Variants in MAP4K2 observed in about 807,000 individuals in gnomAD.
MAP4K2 encodes the protein mitogen-activated protein kinase kinase kinase kinase 2.
Under a neutral mutation model 125.3 loss-of-function variants are expected in MAP4K2, and 85 were observed. That is an observed-to-expected ratio of 0.68 (90% CI 0.57 to 0.81). MAP4K2 has a LOEUF of 0.81. MAP4K2 is among the 40% of genes least tolerant of loss of function. The probability of loss-of-function intolerance (pLI) is 0.00; values close to 1 mark genes in which losing one functional copy is unlikely to be tolerated. For synonymous variants in MAP4K2, 479 were observed against 445.1 expected, an observed-to-expected ratio of 1.08 and a Z score of -0.96; for missense variants, 923 against 1,056.4, an observed-to-expected ratio of 0.87 and a Z score of 1.75.
At position 64,800,933 on chromosome 11, in the gene MAP4K2, A is replaced by C. The variant is rs774116036; in HGVS notation, c.629T>G (p.Leu210Arg). 2 of 1,614,016 alleles carry C rather than the reference A, an allele frequency of 1.2e-6. No individual in the cohort carries two copies. The highest frequency in any genetic ancestry group is 1.7e-6 in the Non-Finnish European group (2 of 1,180,002). The change falls in exon 9 of 32, where the codon CTG becomes CGG. Residue 210 changes from leucine to arginine, a missense_variant. Physicochemically the swap from Leu to Arg is moderately radical, Grantham distance 102 (BLOSUM62 -2). This residue lies in a region of MAP4K2 where 833 missense variants were observed against 911.4 expected (regional missense o/e 0.91). Transcript: ENST00000294066. ...LGITAIELGE[L>R]QPPLFHLHPM... ...GTGCAGGTGGAACAGAGGGGGCTGC[A>C]GCTCGCCCAGCTCAATGGCAGTGAT...
Position 64,797,644 on chromosome 11 carries a change from T to A in MAP4K2, c.1118A>T (p.Gln373Leu). 6.3e-7 allele frequency: 1 copy of A among 1,578,584 alleles called. No individual in the cohort carries two copies. Among genetic ancestry groups the A allele is most frequent in the Non-Finnish European group, 8.6e-7 (1 of 1,161,548 alleles). The change falls in exon 16 of 32, where the codon CAG becomes CTG. Residue 373 changes from glutamine to leucine, a missense_variant. Transcript: ENST00000294066. Reference protein sequence around the residue: ...ELSGSLLQSVQEALEERSLTI... With the variant: ...ELSGSLLQSVLEALEERSLTI... ...CCCTCACCTTTCCTCCAGGGCCTCC[T>A]GGACCGACTGCAGCAGGCTCCTGGG...
At position 64,803,104 on chromosome 11, in the gene MAP4K2, A is replaced by G; in HGVS notation, c.46T>C (p.Phe16Leu). Residue 16 changes from phenylalanine (F) to leucine (L), a missense_variant, in exon 1 of 32, where the codon TTC (phenylalanine) becomes CTC (leucine). Transcript: ENST00000294066. Reference protein sequence around the residue: ...DVSLQDPRDRFELLQRVGAGT... With the variant: ...DVSLQDPRDRLELLQRVGAGT... ...GCCCCCACGCGCTGCAGCAGCTCGA[A>G]GCGGTCCCGCGGGTCCTGCAGCGAC... is the stretch of plus-strand genomic sequence containing the variant. 1.9e-6 allele frequency: 3 copies of G among 1,595,830 alleles called. No homozygotes were observed. Among genetic ancestry groups the G allele is most frequent in the Non-Finnish European group, 2.6e-6 (3 of 1,176,468 alleles).
chr11:64,794,261 A>T (rs1475099393), intron 24 of MAP4K2, among the ~76,000 whole-genome samples: 2 of 152,242 alleles, frequency 1.3e-5, no homozygotes, highest in Non-Finnish European at 2.9e-5. Context: ...CCCAGGCCAA[A>T]AACCTTGGAG....
intron 29 of MAP4K2, 49 bp downstream of exon 29, chr11:64,790,139 C>A: frequency 6.2e-7 from 1 of 1,602,008 alleles, no homozygotes; most frequent in Non-Finnish European, 8.5e-7. Context: ...TGAGCAACAA[C>A]GTGCTCCAGG....
intron 5 of MAP4K2, 119 bp from the exon 6 acceptor site, chr11:64,801,876 G>A: frequency 3.3e-6 from 4 of 1,206,934 alleles, no homozygotes; most frequent in Non-Finnish European, 4.8e-6. Flanking sequence ...TCCCCAAACA[G>A]GAAGTGACTG....
chr11:64,801,511 C>T (rs1941161448), intron 7 of MAP4K2, 68 bp downstream of exon 7: 1 of 1,582,176 alleles, frequency 6.3e-7, no homozygotes, highest in East Asian at 2.2e-5. Flanking sequence ...ACACCCAACC[C>T]TTGAGTCCAG....
At position 64,797,038 on chromosome 11, in the gene MAP4K2, A is replaced by G; in HGVS notation, c.1366-15T>C. 1 of 1,614,044 alleles carries G rather than the reference A, an allele frequency of 6.2e-7. No homozygotes were observed. The highest frequency in any genetic ancestry group is 8.5e-7 in the Non-Finnish European group (1 of 1,179,986). On this transcript the variant is annotated splice_polypyrimidine_tract_variant and intron_variant, in intron 19 of 31. Transcript: ENST00000294066. ...CAGGATGACCTCTGGGAGGGAGGAA[A>G]GGAGTCAGGGCTGATATGACAGCTG...
At position 64,790,474 on chromosome 11, in the gene MAP4K2, G is replaced by A; in HGVS notation, c.2093-12C>T. On this transcript the variant is annotated splice_polypyrimidine_tract_variant and intron_variant, in intron 27 of 31. Transcript: ENST00000294066. ...GCCTGGGATCCCCTCTGCAGGCAGAGAAGAGAGACATGGCCTGGCTGAGCC... is the reference window on the plus strand; with the variant it reads ...GCCTGGGATCCCCTCTGCAGGCAGAAAAGAGAGACATGGCCTGGCTGAGCC... 6.2e-7 allele frequency: 1 copy of A among 1,613,456 alleles called. No individual in the cohort carries two copies.
Position 64,790,446 on chromosome 11 carries a change from C to T in MAP4K2, c.2109G>A (p.Ser703=), listed in dbSNP as rs780812507. 1.7e-5 allele frequency: 28 copies of T among 1,613,898 alleles called. No homozygotes were observed. Among genetic ancestry groups the T allele is most frequent in the South Asian group, 7.7e-5 (7 of 91,086 alleles). Residue 703 remains serine (S), a synonymous_variant, in exon 28 of 32, where the codon TCG becomes TCA. Transcript: ENST00000294066. ...TGTCCACCTGGATCACCTGCTGGGCCGAGCCTGGGATCCCCTCTGCAGGCA... is the reference window on the plus strand; with the variant it reads ...TGTCCACCTGGATCACCTGCTGGGCTGAGCCTGGGATCCCCTCTGCAGGCA... The part of the protein sequence containing the change: ...ILIPPEGIPG[S]AQQVIQVDRD...
intron 22 of MAP4K2, 40 bp from the exon 23 acceptor site, chr11:64,796,593 C>A (rs575125674): frequency 6.2e-7 from 1 of 1,613,982 alleles, no homozygotes; most frequent in Non-Finnish European, 8.5e-7. Context: ...CACCCCAGGC[C>A]CCCACAAGGC....
intron 16 of MAP4K2, 44 bp downstream of exon 16, chr11:64,797,582 A>G (rs767788347): frequency 9.5e-6 from 15 of 1,577,228 alleles, no homozygotes; most frequent in South Asian, 3.5e-5. Context: ...ACTGGCACCA[A>G]GGCCACCTGC....
chr11:64,789,231 A>G lies in MAP4K2; in HGVS notation c.*306T>C. 2.2e-6 allele frequency: 1 copy of G among 447,156 alleles called. No individual in the cohort carries two copies. Among genetic ancestry groups the G allele is most frequent in the African/African-American group, 2.0e-5 (1 of 50,804 alleles). 27.7% of individuals were successfully genotyped at this position (447,156 alleles called of 1,614,324 possible). Reference sequence around the variant, plus strand: ...GGCAGGCTCTTGGCAGAAAGAGTAGAAAGGAAATGTGGAACAAAATGGAAT... The same window carrying G: ...GGCAGGCTCTTGGCAGAAAGAGTAGGAAGGAAATGTGGAACAAAATGGAAT... On this transcript the variant is annotated 3_prime_UTR_variant, in exon 32 of 32. Transcript: ENST00000294066.
chr11:64,801,859 TC>T (rs1941197785), intron 5 of MAP4K2, 102 bp from the exon 6 acceptor site: 7 of 1,273,006 alleles, frequency 5.5e-6, no homozygotes, highest in Non-Finnish European at 7.9e-6. Context: ...TGCTTCTTCC[TC>T]CCCTCTCCCC....
rs1457974759 is a variant in MAP4K2, at chr11:64,792,165, C to G, written c.1914+7G>C. The G allele has an allele frequency of 1.2e-6, 2 of 1,606,772 alleles. No individual in the cohort carries two copies. Among genetic ancestry groups the G allele is most frequent in the African/African-American group, 2.7e-5 (2 of 74,918 alleles). On this transcript the variant is annotated splice_region_variant and intron_variant, in intron 26 of 31. Transcript: ENST00000294066. ...GGTGCCCTGGGCCTCCCCCCACCGC[C>G]CCTCACCTTCAGCAGCAGAAACTTC...
rs1200586865 is a variant in MAP4K2 at position 64,803,209 on chromosome 11, C to A, written c.-60G>T. 2.8e-6 allele frequency: 2 copies of A among 720,162 alleles called. No homozygotes were observed. The highest frequency in any genetic ancestry group is 3.4e-6 in the Non-Finnish European group (2 of 590,994). The allele number at this position is 720,162 out of a possible 1,614,324, so 44.6% of individuals were successfully genotyped here. ...CGCGAGCTGCGGAGCCGGCGCGGGGCGGCGCGGGGCGGGGCGGGCGCCCGT... is the reference window on the plus strand; with the variant it reads ...CGCGAGCTGCGGAGCCGGCGCGGGGAGGCGCGGGGCGGGGCGGGCGCCCGT... On this transcript the variant is annotated 5_prime_UTR_variant, in exon 1 of 32. Transcript: ENST00000294066.
At chr11:64,799,265 G>T (rs1385517388) in intron 14 of MAP4K2, among the ~76,000 whole-genome samples, 156 bp downstream of exon 14, 1 of 152,160 alleles carries the variant, frequency 6.6e-6, no homozygotes, top group African/African-American at 2.4e-5. Context: ...TAACCCTCCA[G>T]GTCCCTGGGT....
chr11:64,792,635 T>G (rs1940569025), intron 24 of MAP4K2, among the ~76,000 whole-genome samples: 3 of 152,128 alleles, frequency 2.0e-5, no homozygotes, highest in Non-Finnish European at 2.9e-5. Flanking sequence ...AGTGTCTCCA[T>G]CCAGGCCAGG....
rs760268207 is a variant in MAP4K2, at chr11:64,803,169, C to A, written c.-20G>T. 3.4e-6 allele frequency: 4 copies of A among 1,190,864 alleles called. No individual in the cohort carries two copies. The East Asian group carries it at 1.5e-4, about 44-fold the overall frequency. The allele number at this position is 1,190,864 out of a possible 1,614,324, so 73.8% of individuals were successfully genotyped here. A position where few individuals can be genotyped will look rare whatever the true frequency, so the allele number is the denominator to read the frequency against. On this transcript the variant is annotated 5_prime_UTR_variant, in exon 1 of 32. Coordinates refer to ENST00000294066, the MANE Select transcript of MAP4K2 (RefSeq NM_004579.5). ...CGCCATGGCCCGGCGCCGGGCGGGC[C>A]GGCAGGCGGGCGGGCGCGAGCTGCG...
At chr11:64,792,676 G>C (rs1467755500) in intron 24 of MAP4K2, among the ~76,000 whole-genome samples, 1 of 152,122 alleles carries the variant, frequency 6.6e-6, no homozygotes, top group Non-Finnish European at 1.5e-5. Flanking sequence ...TTCTAGCTCT[G>C]TGTGACTCCA....
Sources: gnomAD v4.1 joint callset for allele counts (sites outside exome capture counted in the v4.1 genomes callset) on GRCh38, gnomAD v4.1.1 for gene constraint, gnomAD v4.1.1 regional missense constraint, MANE v1.5 for transcripts, NCBI Gene and HGNC (gene_info 2026-07-23, HGNC 2026-07-21) for gene names.